Variants in WDR7 observed in about 807,000 individuals in gnomAD.
WDR7 encodes the protein WD repeat domain 7.
WDR7 carries 46 observed loss-of-function variants against 169.4 expected under a neutral mutation model. The observed-to-expected ratio is 0.27, with a 90% CI of 0.21 to 0.35. WDR7 has a LOEUF of 0.35. WDR7 is among the 10% of genes least tolerant of loss of function. The pLI is 1.00. For missense variants in WDR7, 1,534 were observed against 1,859.3 expected, an observed-to-expected ratio of 0.83 and a Z score of 3.22; for synonymous variants, 612 against 666.8, an observed-to-expected ratio of 0.92 and a Z score of 1.27.
At chr18:56,755,750 G>A (rs1184820562) in intron 14 of WDR7, among the ~76,000 whole-genome samples, 1 of 152,146 alleles carries the variant, frequency 6.6e-6, no homozygotes, top group African/African-American at 2.4e-5. Context: ...AGTTATCAGG[G>A]CAGCTGCCTG....
intron 11 of WDR7, 55 bp downstream of exon 11, chr18:56,695,253 G>A: frequency 8.3e-6 from 13 of 1,562,630 alleles, no homozygotes; most frequent in Non-Finnish European, 1.0e-5. Context: ...TACCCAGAGA[G>A]TGAAAATGTC....
chr18:56,939,266 T>C, intron 24 of WDR7, 45 bp from the exon 25 acceptor site: 1 of 1,430,078 alleles, frequency 7.0e-7, no homozygotes, highest in Non-Finnish European at 9.5e-7. Flanking sequence ...TTTTGGAAAA[T>C]TAAGTATTTG....
At chr18:56,701,061 G>T (rs1202065250) in intron 12 of WDR7, among the ~76,000 whole-genome samples, 1 of 152,186 alleles carries the variant, frequency 6.6e-6, no homozygotes, top group Admixed American at 6.5e-5. Context: ...GTTCTGAAGG[G>T]TTATTGAGAA....
intron 23 of WDR7, among the ~76,000 whole-genome samples, chr18:56,937,772 C>G (rs2046979637): frequency 6.6e-6 from 1 of 152,208 alleles, no homozygotes; most frequent in African/African-American, 2.4e-5. Flanking sequence ...GTTAGGGGCA[C>G]TGATCCCCCT....
intron 19 of WDR7, among the ~76,000 whole-genome samples, chr18:56,786,551 GAAAC>G (rs764341900): frequency 8.3e-4 from 126 of 151,090 alleles, no homozygotes; most frequent in Admixed American, 1.5e-3. Flanking sequence ...ACAAAACAAA[GAAAC>G]AAAAAAGAGT....
chr18:56,913,143 G>A (rs2046575939), intron 21 of WDR7, among the ~76,000 whole-genome samples: 1 of 151,940 alleles, frequency 6.6e-6, no homozygotes, highest in South Asian at 2.1e-4. Flanking sequence ...CGAAGTGCTG[G>A]GATTACAAGC....
intron 21 of WDR7, among the ~76,000 whole-genome samples, chr18:56,915,381 C>T (rs1293693102): frequency 6.6e-6 from 1 of 152,222 alleles, no homozygotes; most frequent in Non-Finnish European, 1.5e-5. Context: ...ATTATTAATT[C>T]ATTTTGCACT....
At chr18:56,959,885 A>G (rs1193681557) in intron 25 of WDR7, among the ~76,000 whole-genome samples, 1 of 152,150 alleles carries the variant, frequency 6.6e-6, no homozygotes, top group East Asian at 1.9e-4. Context: ...TGGCTCCAGG[A>G]AAGAGCAGAC....
intron 14 of WDR7, among the ~76,000 whole-genome samples, chr18:56,733,382 G>A (rs2144815248): frequency 6.6e-6 from 1 of 152,172 alleles, no homozygotes; most frequent in Admixed American, 6.5e-5. Flanking sequence ...GCTGTCCTCT[G>A]GATAGCTTTC....
chr18:56,812,283 A>G (rs2044882508), intron 19 of WDR7, among the ~76,000 whole-genome samples: 2 of 152,258 alleles, frequency 1.3e-5, no homozygotes, highest in South Asian at 4.1e-4. Flanking sequence ...CATTACTAAC[A>G]TATAGAAATA....
intron 19 of WDR7, among the ~76,000 whole-genome samples, chr18:56,812,131 C>T (rs1035312285): frequency 1.1e-4 from 17 of 152,066 alleles, no homozygotes; most frequent in Admixed American, 1.1e-3. Flanking sequence ...TTTAGATCTC[C>T]TTTGATTTCT....
chr18:56,693,052 G>GAC (rs2025612301), intron 9 of WDR7, among the ~76,000 whole-genome samples: 1 of 152,082 alleles, frequency 6.6e-6, no homozygotes, highest in Non-Finnish European at 1.5e-5. Flanking sequence ...GCAACATGGC[G>GAC]AGACCCTGTC....
chr18:56,808,547 A>G (rs553325474), intron 19 of WDR7, among the ~76,000 whole-genome samples: 3 of 152,274 alleles, frequency 2.0e-5, no homozygotes, highest in African/African-American at 7.2e-5. Flanking sequence ...ACTATAATGA[A>G]CTGAAGTGGT....
rs150567922 is a variant in WDR7 at position 57,011,201 on chromosome 18, AC to A, written c.4165-9537del. Among the ~76,000 whole-genome samples, 1,264 of 152,086 alleles carry A rather than the reference AC, an allele frequency of 8.3e-3. 17 individuals carry two copies. Among genetic ancestry groups the A allele is most frequent in the African/African-American group, 0.029 (1,202 of 41,476 alleles). On this transcript the variant is annotated intron_variant, in intron 26 of 27. Coordinates refer to ENST00000254442, the MANE Select transcript of WDR7 (RefSeq NM_015285.3). ...ATATGCACATGCATGTTAATATATA[AC>A]CCCCCCACAGAAGAAATATTGAAAA...
intron 26 of WDR7, among the ~76,000 whole-genome samples, chr18:56,974,513 C>G (rs1323100257): frequency 6.6e-6 from 1 of 152,116 alleles, no homozygotes; most frequent in African/African-American, 2.4e-5. Context: ...CAGGTACACA[C>G]TACCGTTATT....
chr18:56,922,235 C>G (rs572516094), intron 21 of WDR7, among the ~76,000 whole-genome samples: 75 of 152,270 alleles, frequency 4.9e-4, no homozygotes, highest in Admixed American at 1.0e-3. Flanking sequence ...ACAGTAAAGG[C>G]AGACCTATTT....
At chr18:57,021,043 A>G (rs2048282363) in intron 27 of WDR7, among the ~76,000 whole-genome samples, 194 bp downstream of exon 27, 1 of 152,176 alleles carries the variant, frequency 6.6e-6, no homozygotes, top group Admixed American at 6.5e-5. Flanking sequence ...ACAATTAGCA[A>G]TCTGGAAAGA....
At chr18:56,767,982 G>A (rs545743982) in intron 16 of WDR7, among the ~76,000 whole-genome samples, 2 of 152,234 alleles carry the variant, frequency 1.3e-5, no homozygotes, top group East Asian at 3.9e-4. Flanking sequence ...GATATTATTT[G>A]TTATCCTCCT....
chr18:56,712,827 T>TATA (rs1179069558), intron 12 of WDR7, among the ~76,000 whole-genome samples: 1 of 152,186 alleles, frequency 6.6e-6, no homozygotes, highest in Non-Finnish European at 1.5e-5. Flanking sequence ...TCAATGGAGG[T>TATA]ATAGGAAGAA....
Sources: gnomAD v4.1 joint callset for allele counts (sites outside exome capture counted in the v4.1 genomes callset) on GRCh38, gnomAD v4.1.1 for gene constraint, MANE v1.5 for transcripts, NCBI Gene and HGNC (gene_info 2026-07-23, HGNC 2026-07-21) for gene names.